Variants in FAM90A1 observed in about 807,000 individuals in gnomAD.
FAM90A1 encodes the protein protein FAM90A1.
A neutral mutation model predicts 14.8 loss-of-function variants in FAM90A1; 10 were observed. The ratio of observed to expected loss-of-function variants is 0.67; its 90% CI spans 0.42 to 1.14. The LOEUF (loss-of-function observed/expected upper bound fraction) is 1.14, where lower values mean the gene tolerates loss of function less well. FAM90A1 is among the 50% of genes most tolerant of loss of function. The pLI is 0.00. For missense variants in FAM90A1, 567 were observed against 602.8 expected (o/e 0.94, Z 0.62); for synonymous variants, 236 against 248.4 (o/e 0.95, Z 0.47).
chr12:8,227,407 T>C, intron 1 of FAM90A1, 73 bp downstream of exon 1: 1 of 417,758 alleles, frequency 2.4e-6, no homozygotes, highest in South Asian at 2.6e-5. Flanking sequence ...GGAGTCCTCG[T>C]GTCCCCTGCG....
At position 8,221,641 on chromosome 12, in the gene FAM90A1, G is replaced by C; in HGVS notation, c.*181C>G. ...ACAATGTCCCTCACCAGAATTCAAC[G>C]TGGCAGAGTCCCTGCATCTGCTCCC... On this transcript the variant is annotated 3_prime_UTR_variant, in exon 7 of 7. Coordinates refer to ENST00000538603, the MANE Select transcript of FAM90A1 (RefSeq NM_018088.3). The C allele has an allele frequency of 1.4e-6, 1 of 700,160 alleles. No homozygotes were observed. The highest frequency in any genetic ancestry group is 2.4e-6 in the Non-Finnish European group (1 of 423,152). The allele number at this position is 700,160 out of a possible 1,614,324, so 43.4% of individuals were successfully genotyped here. A position where few individuals can be genotyped will look rare whatever the true frequency, so the allele number is the denominator to read the frequency against.
intron 1 of FAM90A1, 69 bp downstream of exon 1, chr12:8,227,411 C>T (rs1565432436): frequency 2.3e-6 from 1 of 436,162 alleles, no homozygotes; most frequent in Non-Finnish European, 4.2e-6. Context: ...TCCTCGTGTC[C>T]CCTGCGCACA....
In FAM90A1 at chr12:8,224,210, C is replaced by G; in HGVS notation, c.129G>C (p.Lys43Asn). ...GGCCAAAGGCCTCACAGTTTTTGCA[C>G]TTGAGCTGTGGGTGGAAAGGAAGTG... ...PPPDEEDPRL[K>N]CKNCEAFGHT... The change falls in exon 5 of 7, where the codon AAG becomes AAC. Residue 43 changes from lysine to asparagine, a missense_variant. Transcript: ENST00000538603. 6.2e-7 allele frequency: 1 copy of G among 1,611,820 alleles called. No homozygotes were observed. The highest frequency in any genetic ancestry group is 1.3e-5 in the African/African-American group (1 of 74,970).
At position 8,222,161 on chromosome 12, in the gene FAM90A1, T is replaced by G. The variant is rs771324740; in HGVS notation, c.1056A>C (p.Thr352=). The G allele has an allele frequency of 1.9e-6, 3 of 1,604,194 alleles. No individual in the cohort carries two copies. The highest frequency in any genetic ancestry group is 2.6e-6 in the Non-Finnish European group (3 of 1,175,192). Residue 352 remains threonine (T), a synonymous_variant, in exon 7 of 7, where the codon ACA becomes ACC. Transcript: ENST00000538603. The part of the protein sequence containing the change: ...PRTSPQTGTR[T]PAQVLSGDRQ... ...GGTCGCCGCTAAGCACCTGGGCGGGTGTCCTCGTGCCTGTCTGGGGTGACG... is the reference window on the plus strand; with the variant it reads ...GGTCGCCGCTAAGCACCTGGGCGGGGGTCCTCGTGCCTGTCTGGGGTGACG...
At chr12:8,227,395 C>G (rs1948966046) in intron 1 of FAM90A1, 85 bp downstream of exon 1, 2 of 379,760 alleles carry the variant, frequency 5.3e-6, no homozygotes, top group Non-Finnish European at 9.7e-6. Context: ...GTCAGGGCAG[C>G]GGGAGTCCTC....
In FAM90A1 at chr12:8,221,559, A is replaced by C. The variant is rs1019995890; in HGVS notation, c.*263T>G. 9.1e-6 allele frequency: 5 copies of C among 549,920 alleles called. No homozygotes were observed. The African/African-American group carries it at 9.6e-5, about 11-fold the overall frequency. The allele number at this position is 549,920 out of a possible 1,614,324, so 34.1% of individuals were successfully genotyped here. ...CTGCGCGTCATGCAGTTTCTGAGGC[A>C]ACGAATCACTGGCACGGAAGCTTTT... On this transcript the variant is annotated 3_prime_UTR_variant, in exon 7 of 7. Transcript: ENST00000538603.
chr12:8,227,284 T>C lies in FAM90A1; in HGVS notation c.-421+196A>G, dbSNP rs748616538. On this transcript the variant is annotated intron_variant, in intron 1 of 6. Coordinates refer to ENST00000538603, the MANE Select transcript of FAM90A1 (RefSeq NM_018088.3). Reference sequence around the variant, plus strand: ...TCCTGCTCTCCTCCCTCCTTTGGCCTCTAGGCTCCCAGGAGTGGTTTGGAA... The same window carrying C: ...TCCTGCTCTCCTCCCTCCTTTGGCCCCTAGGCTCCCAGGAGTGGTTTGGAA... Among the ~76,000 whole-genome samples the C allele has an allele frequency of 2.0e-5, 3 of 152,326 alleles. No homozygotes were observed. In the South Asian group the frequency reaches 6.2e-4, roughly 32 times the overall value.
In FAM90A1 at chr12:8,222,173, T is replaced by C. The variant is rs1591637149; in HGVS notation, c.1044A>G (p.Thr348=). ...TELGPRTSPQ[T]GTRTPAQVLS... ...GCACCTGGGCGGGTGTCCTCGTGCC[T>C]GTCTGGGGTGACGTACGTGGTCCAA... The change falls in exon 7 of 7, where the codon ACA becomes ACG. Residue 348 remains threonine, a synonymous_variant. Coordinates refer to ENST00000538603, the MANE Select transcript of FAM90A1 (RefSeq NM_018088.3). 2.6e-6 allele frequency: 4 copies of C among 1,563,426 alleles called. No homozygotes were observed. Among genetic ancestry groups the C allele is most frequent in the Admixed American group, 3.6e-5 (2 of 56,286 alleles).
intron 4 of FAM90A1, 110 bp from the exon 5 acceptor site, chr12:8,224,325 G>A: frequency 1.0e-6 from 1 of 986,858 alleles, no homozygotes; most frequent in Non-Finnish European, 1.6e-6. Context: ...GGATTCCAAA[G>A]AGGGGACACC....
At position 8,224,828 on chromosome 12, in the gene FAM90A1, A is replaced by C; in HGVS notation, c.5T>G (p.Met2Arg). M[M>R]ARRDPKPGAK... is the part of the protein sequence containing the mutation. Reference sequence around the variant, plus strand: ...CCCAGGTTTGGGGTCACGACGTGCCATCATCTTCGTCTCCTGGGGGTTTTA... The same window carrying C: ...CCCAGGTTTGGGGTCACGACGTGCCCTCATCTTCGTCTCCTGGGGGTTTTA... Residue 2 changes from methionine (M) to arginine (R), a missense_variant, in exon 4 of 7, where the codon ATG becomes AGG. By Grantham distance (91) the Met-to-Arg change is moderately conservative (BLOSUM62 -1). Transcript: ENST00000538603. The C allele has an allele frequency of 6.2e-7, 1 of 1,607,798 alleles. No individual in the cohort carries two copies. Among genetic ancestry groups the C allele is most frequent in the East Asian group, 2.2e-5 (1 of 44,694 alleles).
intron 1 of FAM90A1, among the ~76,000 whole-genome samples, chr12:8,226,827 TGA>T (rs1273598931): frequency 1.2e-4 from 10 of 83,448 alleles, no homozygotes; most frequent in Admixed American, 3.9e-4. Context: ...TTTTTTTTTT[TGA>T]GACACAGTCT....
intron 1 of FAM90A1, 103 bp downstream of exon 1, chr12:8,227,377 G>A: frequency 2.9e-6 from 1 of 348,576 alleles, no homozygotes; most frequent in Non-Finnish European, 5.3e-6. Flanking sequence ...ATGTGATCTG[G>A]GGGCTGTGTC....
chr12:8,223,157 G>A (rs1343375259), intron 6 of FAM90A1, among the ~76,000 whole-genome samples: 7 of 152,226 alleles, frequency 4.6e-5, no homozygotes, highest in African/African-American at 1.7e-4. Flanking sequence ...ATGTTCCTGG[G>A]TTTAGCCTTC....
At position 8,224,725 on chromosome 12, in the gene FAM90A1, A is replaced by G. The variant is rs1329226373; in HGVS notation, c.108T>C (p.Asp36=). Reference sequence around the variant, plus strand: ...CTAGACTTACCCTGGGATCTTCTTCATCGGGCGGGGGAGCCCTTGGCCCAA... The same window carrying G: ...CTAGACTTACCCTGGGATCTTCTTCGTCGGGCGGGGGAGCCCTTGGCCCAA... ...APVGPRAPPP[D]EEDPRLKCKN... is the part of the protein sequence containing the mutation. Residue 36 remains aspartate (D), a synonymous_variant, in exon 4 of 7, where the codon GAT becomes GAC. Coordinates refer to ENST00000538603, the MANE Select transcript of FAM90A1 (RefSeq NM_018088.3). 6.6e-7 allele frequency: 1 copy of G among 1,504,186 alleles called. No homozygotes were observed. Among genetic ancestry groups the G allele is most frequent in the Non-Finnish European group, 8.9e-7 (1 of 1,121,838 alleles). The allele number at this position is 1,504,186 out of a possible 1,614,324, so 93.2% of individuals were successfully genotyped here.
chr12:8,224,654 C>T (rs1013684585), intron 4 of FAM90A1, 56 bp downstream of exon 4: 16 of 754,110 alleles, frequency 2.1e-5, no homozygotes, highest in South Asian at 4.4e-5. Flanking sequence ...TGTGACACCC[C>T]GTCCCCCCGC....
Position 8,224,158 on chromosome 12 carries a change from T to C in FAM90A1, c.181A>G (p.Met61Val). The change falls in exon 5 of 7, where the codon ATG becomes GTG. Residue 61 changes from methionine to valine, a missense_variant. Transcript: ENST00000538603. ...ACCAGGGCTGCCTTCCAGCACTTCA[T>C]GGGGCACCTGGTACTTCTGGCCGTG... Reference protein sequence around the residue: ...GHTARSTRCPMKCWKAALVPP... With the variant: ...GHTARSTRCPVKCWKAALVPP... 2 of 1,612,068 alleles carry C rather than the reference T, an allele frequency of 1.2e-6. No homozygotes were observed. The highest frequency in any genetic ancestry group is 1.7e-6 in the Non-Finnish European group (2 of 1,179,870).
chr12:8,224,004 C>T lies in FAM90A1; in HGVS notation c.323+12G>A. On this transcript the variant is annotated intron_variant, in intron 5 of 6. Coordinates refer to ENST00000538603, the MANE Select transcript of FAM90A1 (RefSeq NM_018088.3). ...TACCCTAAGAGTGGTGAAAACCACT[C>T]CCACTGCTCACCTTGGTCTCTCTTC... 4.3e-6 allele frequency: 7 copies of T among 1,611,620 alleles called. No individual in the cohort carries two copies. The highest frequency in any genetic ancestry group is 5.9e-6 in the Non-Finnish European group (7 of 1,179,536).
chr12:8,227,326 T>C (rs769150998), intron 1 of FAM90A1, among the ~76,000 whole-genome samples, 154 bp downstream of exon 1: 1 of 152,270 alleles, frequency 6.6e-6, no homozygotes, highest in South Asian at 2.1e-4. Flanking sequence ...CCGTGTGCTC[T>C]GGGGGCTGTG....
chr12:8,223,581 C>A, intron 5 of FAM90A1, 24 bp from the exon 6 acceptor site: 1 of 1,404,638 alleles, frequency 7.1e-7, no homozygotes, highest in South Asian at 1.2e-5. Flanking sequence ...AAAGGTCAGG[C>A]CGTCCTCCCT....
Sources: allele counts gnomAD v4.1 joint callset (sites outside exome capture counted in the v4.1 genomes callset), GRCh38; gene constraint gnomAD v4.1.1; transcripts MANE v1.5; gene names NCBI Gene and HGNC (gene_info 2026-07-23, HGNC 2026-07-21).